The following ATP6V0A4 variants were observed in gnomAD, a reference collection of about 807,000 sequenced individuals.
The protein encoded by ATP6V0A4 is ATPase H+ transporting V0 subunit a4, also known as V-type proton ATPase 116 kDa subunit a 4.
In ATP6V0A4, 86 loss-of-function variants were observed where a neutral mutation model predicts 107.3. That is an observed-to-expected ratio of 0.80 (90% confidence interval 0.67 to 0.96). The LOEUF is 0.96. Among genes scored for constraint, ATP6V0A4 ranks in the 40% least tolerant of loss-of-function variants. ATP6V0A4 has a pLI of 0.00. For synonymous variants in ATP6V0A4, 353 were observed against 381.4 expected (o/e 0.93, Z 0.87); for missense variants, 908 against 1,045.6 (o/e 0.87, Z 1.81).
intron 1 of ATP6V0A4, among the ~76,000 whole-genome samples, chr7:138,787,408 G>GTGAC (rs1808220319): frequency 6.6e-6 from 1 of 152,126 alleles, no homozygotes; most frequent in Non-Finnish European, 1.5e-5. Context: ...CACACTCCAA[G>GTGAC]TGACAACATG....
intron 13 of ATP6V0A4, among the ~76,000 whole-genome samples, chr7:138,747,027 TGGTG>T (rs1022543437): frequency 3.9e-5 from 6 of 152,150 alleles, no homozygotes; most frequent in African/African-American, 1.4e-4. Context: ...TTTGAAAAAT[TGGTG>T]GATAAGCACA....
At chr7:138,739,890 C>A (rs1157842838) in intron 14 of ATP6V0A4, among the ~76,000 whole-genome samples, 5 of 152,080 alleles carry the variant, frequency 3.3e-5, no homozygotes. Context: ...CATTCATAAT[C>A]CCAGCACTTT....
At position 138,718,201 on chromosome 7, in the gene ATP6V0A4, G is replaced by GGGGT. The variant is rs1554389498; in HGVS notation, c.2140-2321_2140-2320insACCC. On this transcript the variant is annotated intron_variant, in intron 19 of 21. Coordinates refer to ENST00000310018, the MANE Select transcript of ATP6V0A4 (RefSeq NM_020632.3). ...GGAGGGAGACGTCCAGGAAGGAATG[G>GGGGT]GTGTGTGTGTGTGTGTGTGTGTGTG... Among the ~76,000 whole-genome samples, 11 of 45,538 alleles carry GGGGT rather than the reference G, an allele frequency of 2.4e-4. 1 individual carries two copies. The highest frequency in any genetic ancestry group is 3.3e-4 in the Non-Finnish European group (9 of 26,888). 29.9% of individuals were successfully genotyped at this position (45,538 alleles called of 152,430 possible).
Position 138,706,368 on chromosome 7 carries a change from C to A in ATP6V0A4, c.*256G>T. The stretch of plus-strand genomic sequence containing the variant: ...AAGAAGACATCTGTTTAGCATTCTC[C>A]CCTCATTTGTCAATTACTTTATTAT... On this transcript the variant is annotated 3_prime_UTR_variant, in exon 22 of 22. Coordinates refer to ENST00000310018, the MANE Select transcript of ATP6V0A4 (RefSeq NM_020632.3). 2.0e-6 allele frequency: 1 copy of A among 496,744 alleles called. No homozygotes were observed. The highest frequency in any genetic ancestry group is 3.7e-6 in the Non-Finnish European group (1 of 271,904). 30.8% of individuals were successfully genotyped at this position (496,744 alleles called of 1,614,324 possible).
At chr7:138,746,695 G>A (rs1003703839) in intron 13 of ATP6V0A4, among the ~76,000 whole-genome samples, 1 of 152,004 alleles carries the variant, frequency 6.6e-6, no homozygotes, top group African/African-American at 2.4e-5. Flanking sequence ...GTAGAGACAG[G>A]GTTTCACCAT....
chr7:138,722,252 C>T (rs187482410), intron 18 of ATP6V0A4, among the ~76,000 whole-genome samples: 19 of 152,012 alleles, frequency 1.2e-4, no homozygotes, highest in African/African-American at 3.6e-4. Flanking sequence ...GAAATGTGCC[C>T]GGGAGGCACA....
chr7:138,713,047 T>C (rs912255431), intron 20 of ATP6V0A4, among the ~76,000 whole-genome samples: 1 of 151,774 alleles, frequency 6.6e-6, no homozygotes, highest in African/African-American at 2.4e-5. Context: ...TTCCAGCATT[T>C]TGGGAGGCCG....
At chr7:138,764,297 T>C (rs988006911) in intron 5 of ATP6V0A4, among the ~76,000 whole-genome samples, 3 of 152,048 alleles carry the variant, frequency 2.0e-5, no homozygotes, top group South Asian at 2.1e-4. Flanking sequence ...ACCGTTATCT[T>C]ACACAGGGCG....
intron 3 of ATP6V0A4, among the ~76,000 whole-genome samples, chr7:138,770,569 T>C (rs1054543943): frequency 1.3e-5 from 2 of 152,246 alleles, no homozygotes; most frequent in East Asian, 3.9e-4. Flanking sequence ...TTGACCTTAG[T>C]GAAGAAGTAA....
chr7:138,747,499 T>C lies in ATP6V0A4; in HGVS notation c.1246A>G (p.Thr416Ala). The C allele has an allele frequency of 6.2e-7, 1 of 1,613,996 alleles. No homozygotes were observed. The highest frequency in any genetic ancestry group is 8.5e-7 in the Non-Finnish European group (1 of 1,179,992). The change falls in exon 13 of 22, where the codon ACC becomes GCC. Residue 416 changes from threonine to alanine, a missense_variant. Thr to Ala is a moderately conservative substitution (Grantham distance 58). Coordinates refer to ENST00000310018, the MANE Select transcript of ATP6V0A4 (RefSeq NM_020632.3). The stretch of plus-strand genomic sequence containing the variant: ...CAAAGTGCAGCCAGGAGCATCACGG[T>C]TCCATGACCACAGTCTCCAAACATC... ...AVMFGDCGHG[T>A]VMLLAALWMI...
chr7:138,775,483 AT>A (rs1315180962), intron 2 of ATP6V0A4, among the ~76,000 whole-genome samples: 13 of 150,984 alleles, frequency 8.6e-5, no homozygotes, highest in Non-Finnish European at 1.3e-4. Flanking sequence ...TGTGATTTGC[AT>A]TTTTTTTTAA....
intron 20 of ATP6V0A4, among the ~76,000 whole-genome samples, chr7:138,713,164 G>A (rs996300075): frequency 6.6e-6 from 1 of 151,490 alleles, no homozygotes; most frequent in African/African-American, 2.4e-5. Flanking sequence ...AATTAGCTGG[G>A]CATGGTGGTG....
intron 3 of ATP6V0A4, among the ~76,000 whole-genome samples, chr7:138,769,607 G>C (rs1277707117): frequency 6.6e-6 from 1 of 152,064 alleles, no homozygotes; most frequent in Non-Finnish European, 1.5e-5. Context: ...GAGGCACTGC[G>C]CTAAGCCCCC....
At chr7:138,766,785 C>T (rs1584938034) in intron 5 of ATP6V0A4, among the ~76,000 whole-genome samples, 2 of 152,300 alleles carry the variant, frequency 1.3e-5, no homozygotes, top group South Asian at 4.1e-4. Flanking sequence ...TAAGGTACTA[C>T]AGCCAACTCA....
chr7:138,790,375 C>G (rs1405046358), intron 1 of ATP6V0A4, among the ~76,000 whole-genome samples: 1 of 152,218 alleles, frequency 6.6e-6, no homozygotes, highest in Middle Eastern at 3.4e-3. Flanking sequence ...CTCACTGCAA[C>G]CTCTGCCTCT....
At chr7:138,757,669 C>T (rs1806580846) in intron 8 of ATP6V0A4, among the ~76,000 whole-genome samples, 1 of 152,182 alleles carries the variant, frequency 6.6e-6, no homozygotes, top group Non-Finnish European at 1.5e-5. Context: ...AAAATGCCCG[C>T]ACCCTTTAAG....
intron 2 of ATP6V0A4, among the ~76,000 whole-genome samples, chr7:138,781,835 C>T (rs1279381223): frequency 1.5e-5 from 1 of 64,570 alleles, no homozygotes; most frequent in African/African-American, 7.4e-5. Flanking sequence ...TTCTCTGTCT[C>T]TCTCTCTCTT....
At chr7:138,708,017 T>TTTTATTTTA (rs1640825871) in intron 21 of ATP6V0A4, among the ~76,000 whole-genome samples, 1 of 139,954 alleles carries the variant, frequency 7.1e-6, no homozygotes, top group Non-Finnish European at 1.5e-5. Context: ...TTATGTTTTA[T>TTTTATTTTA]TTTATTTATT....
intron 17 of ATP6V0A4, 47 bp from the exon 18 acceptor site, chr7:138,728,909 C>G: frequency 6.2e-7 from 1 of 1,613,228 alleles, no homozygotes; most frequent in Non-Finnish European, 8.5e-7. Flanking sequence ...CATGGCAGAA[C>G]AGCACACTTT....
Sources: allele counts gnomAD v4.1 joint callset (sites outside exome capture counted in the v4.1 genomes callset), GRCh38; gene constraint gnomAD v4.1.1; transcripts MANE v1.5; gene names NCBI Gene and HGNC (gene_info 2026-07-23, HGNC 2026-07-21).